Variants in GRAMD1B observed in about 807,000 individuals in gnomAD.
The protein encoded by GRAMD1B is protein Aster-B.
Under a neutral mutation model 99.7 loss-of-function variants are expected in GRAMD1B, and 37 were observed. That is an observed-to-expected ratio of 0.37 (90% CI 0.29 to 0.49). The LOEUF is 0.49. GRAMD1B is among the 20% of genes least tolerant of loss of function. The probability of loss-of-function intolerance (pLI) is 0.98; values close to 1 mark genes in which losing one functional copy is unlikely to be tolerated. For missense variants in GRAMD1B, 888 were observed against 1,009.2 expected (o/e 0.88, Z 1.63); for synonymous variants, 427 against 387.6 (o/e 1.10, Z -1.19).
intron 1 of GRAMD1B, among the ~76,000 whole-genome samples, chr11:123,411,781 G>A (rs2135972679): frequency 6.6e-6 from 1 of 152,152 alleles, no homozygotes; most frequent in Admixed American, 6.5e-5. Context: ...TCTACTAGCT[G>A]GGACTACAGG....
chr11:123,613,938 T>G (rs1953966938), intron 16 of GRAMD1B, among the ~76,000 whole-genome samples: 1 of 152,036 alleles, frequency 6.6e-6, no homozygotes, highest in Admixed American at 6.6e-5. Context: ...CTGCATAGGC[T>G]CAAGTATGAA....
chr11:123,591,924 A>T lies in GRAMD1B; in HGVS notation c.685-2158A>T, dbSNP rs1246930973. 6.6e-6 allele frequency among the ~76,000 whole-genome samples: 1 copy of T among 152,218 alleles called. No homozygotes were observed. Among genetic ancestry groups the T allele is most frequent in the African/African-American group, 2.4e-5 (1 of 41,452 alleles). Reference sequence around the variant, plus strand: ...ACTGCTACAGCTTTGTTTTAAGGAAAGTAGCGGCCCCCTCGATTTGCCTGC... The same window carrying T: ...ACTGCTACAGCTTTGTTTTAAGGAATGTAGCGGCCCCCTCGATTTGCCTGC... On this transcript the variant is annotated intron_variant, in intron 4 of 19. Coordinates refer to ENST00000635736, the MANE Select transcript of GRAMD1B (RefSeq NM_001387025.1). The surrounding 1 kb of genome is among the most constrained non-coding windows in gnomAD (Gnocchi z 4.7).
At chr11:123,506,850 C>G (rs774494483) in intron 2 of GRAMD1B, among the ~76,000 whole-genome samples, 1 of 152,050 alleles carries the variant, frequency 6.6e-6, no homozygotes, top group Non-Finnish European at 1.5e-5. Flanking sequence ...CTGCCCAGCC[C>G]CACTGTTCCC....
At chr11:123,538,390 A>G (rs142633152) in intron 2 of GRAMD1B, among the ~76,000 whole-genome samples, 12 of 152,156 alleles carry the variant, frequency 7.9e-5, no homozygotes, top group African/African-American at 2.9e-4. Flanking sequence ...CCTTTTGAAA[A>G]CAGCTTCATT....
intron 1 of GRAMD1B, among the ~76,000 whole-genome samples, chr11:123,409,607 A>T (rs1947971416): frequency 1.3e-5 from 2 of 152,182 alleles, no homozygotes; most frequent in South Asian, 4.1e-4. Flanking sequence ...CCCACCATCC[A>T]GTCCCCTGGG....
intron 1 of GRAMD1B, among the ~76,000 whole-genome samples, chr11:123,431,767 T>C (rs898217094): frequency 6.6e-6 from 1 of 152,240 alleles, no homozygotes. Context: ...CATCGATACC[T>C]ACAAGACTGT....
chr11:123,543,228 A>G (rs1944724677), intron 2 of GRAMD1B, among the ~76,000 whole-genome samples: 1 of 152,182 alleles, frequency 6.6e-6, no homozygotes, highest in South Asian at 2.1e-4. Context: ...TTCACTGCCA[A>G]CCAAGGTAGA....
At chr11:123,551,241 GT>G (rs1171841660) in intron 2 of GRAMD1B, among the ~76,000 whole-genome samples, 3 of 152,144 alleles carry the variant, frequency 2.0e-5, no homozygotes, top group Non-Finnish European at 2.9e-5. Flanking sequence ...AGGGAGGGGC[GT>G]TTTTTTGGGC....
chr11:123,386,645 C>T (rs1947070414), intron 1 of GRAMD1B, among the ~76,000 whole-genome samples: 1 of 152,126 alleles, frequency 6.6e-6, no homozygotes, highest in Non-Finnish European at 1.5e-5. Context: ...GACAGGGTTT[C>T]ACCATGTTGG....
At chr11:123,374,812 G>T (rs1946639269) in intron 1 of GRAMD1B, among the ~76,000 whole-genome samples, 1 of 152,140 alleles carries the variant, frequency 6.6e-6, no homozygotes, top group Admixed American at 6.5e-5. Context: ...TAAGACTCTG[G>T]TGCTGCGTTG....
chr11:123,455,037 T>G (rs1287860021), intron 1 of GRAMD1B, among the ~76,000 whole-genome samples: 1 of 152,222 alleles, frequency 6.6e-6, no homozygotes, highest in Non-Finnish European at 1.5e-5. Flanking sequence ...AGTTTTGTGA[T>G]GTTTTATCCC....
chr11:123,381,108 T>C (rs2135789394), intron 1 of GRAMD1B, among the ~76,000 whole-genome samples: 1 of 152,298 alleles, frequency 6.6e-6, no homozygotes, highest in South Asian at 2.1e-4. Flanking sequence ...TGAGGGGCTC[T>C]GGGAGTGTCT....
intron 1 of GRAMD1B, among the ~76,000 whole-genome samples, chr11:123,396,733 C>T (rs1454186818): frequency 6.6e-6 from 1 of 152,174 alleles, no homozygotes; most frequent in Non-Finnish European, 1.5e-5. Context: ...TATCTTGGTG[C>T]CTAGAGACAA....
intron 4 of GRAMD1B, 75 bp from the exon 5 acceptor site, chr11:123,594,007 C>G: frequency 2.0e-6 from 2 of 979,698 alleles, no homozygotes; most frequent in Non-Finnish European, 3.3e-6. Flanking sequence ...CAAGCAAGTG[C>G]TCCTCATCTT....
chr11:123,613,357 A>T (rs1190824129), intron 15 of GRAMD1B, 98 bp from the exon 16 acceptor site: 2 of 926,478 alleles, frequency 2.2e-6, no homozygotes, highest in Non-Finnish European at 3.3e-6. Context: ...AACCCACCCA[A>T]CCAACTTCCC....
chr11:123,405,332 A>C (rs1360985983), intron 1 of GRAMD1B, among the ~76,000 whole-genome samples: 1 of 151,622 alleles, frequency 6.6e-6, no homozygotes, highest in Non-Finnish European at 1.5e-5. Context: ...TCCTGCTCTG[A>C]CCCTTCTCTG....
chr11:123,605,573 G>A lies in GRAMD1B; in HGVS notation c.1323+95G>A. On this transcript the variant is annotated intron_variant, in intron 10 of 19. Coordinates refer to ENST00000635736, the MANE Select transcript of GRAMD1B (RefSeq NM_001387025.1). ...GAACCCAATCTGGGGAGCAGGTAGA[G>A]AGGAGATTGGTTACATTGTTGTCAG... The A allele has an allele frequency of 4.1e-6, 4 of 971,224 alleles. No homozygotes were observed. The South Asian group carries it at 5.4e-5, about 13-fold the overall frequency. 60.2% of individuals were successfully genotyped at this position (971,224 alleles called of 1,614,324 possible). A position where few individuals can be genotyped will look rare whatever the true frequency, so the allele number is the denominator to read the frequency against.
chr11:123,561,894 T>C (rs751152204), intron 2 of GRAMD1B, among the ~76,000 whole-genome samples: 47 of 152,264 alleles, frequency 3.1e-4, no homozygotes, highest in Admixed American at 5.9e-4. Flanking sequence ...AGCAGGAGAT[T>C]GATAATGTCA....
intron 1 of GRAMD1B, among the ~76,000 whole-genome samples, chr11:123,467,484 G>A (rs572660664): frequency 6.9e-4 from 102 of 147,784 alleles, no homozygotes; most frequent in Middle Eastern, 3.5e-3. Context: ...TCATGGAGGC[G>A]CTGTCAGGCT....
Sources: gnomAD v4.1 joint callset for allele counts (sites outside exome capture counted in the v4.1 genomes callset) on GRCh38, gnomAD v4.1.1 for gene constraint, Gnocchi (gnomAD v3.1) non-coding constraint, MANE v1.5 for transcripts, NCBI Gene and HGNC (gene_info 2026-07-23, HGNC 2026-07-21) for gene names.